The following DENND4C variants were observed in gnomAD, a reference collection of about 807,000 sequenced individuals.
The protein encoded by DENND4C is DENN domain-containing protein 4C.
Under a neutral mutation model 203.0 loss-of-function variants are expected in DENND4C, and 108 were observed. The ratio of observed to expected loss-of-function variants is 0.53; its 90% CI spans 0.46 to 0.62. DENND4C has a LOEUF of 0.62. Among genes scored for constraint, DENND4C ranks in the 20% least tolerant of loss-of-function variants. DENND4C has a pLI of 0.00. For synonymous variants in DENND4C, 871 were observed against 792.4 expected, an observed-to-expected ratio of 1.10 and a Z score of -1.67; for missense variants, 2,481 against 2,301.2, an observed-to-expected ratio of 1.08 and a Z score of -1.60.
At chr9:19,329,639 G>T (rs930464987) in intron 16 of DENND4C, among the ~76,000 whole-genome samples, 1 of 152,158 alleles carries the variant, frequency 6.6e-6, no homozygotes, top group Middle Eastern at 3.2e-3. Flanking sequence ...TTTCCAAAGT[G>T]GCTGCTCCAC....
intron 1 of DENND4C, among the ~76,000 whole-genome samples, chr9:19,257,411 C>T (rs1477682426): frequency 2.7e-5 from 4 of 149,130 alleles, no homozygotes; most frequent in African/African-American, 7.4e-5. Flanking sequence ...ACCACTAAAA[C>T]ATTGCTTAGG....
Position 19,325,950 on chromosome 9 carries a change from T to C in DENND4C, c.1965T>C (p.Asp655=), listed in dbSNP as rs973540537. The change falls in exon 14 of 33, where the codon GAT becomes GAC. Residue 655 remains aspartate, a synonymous_variant. Coordinates refer to ENST00000434457, the MANE Select transcript of DENND4C (RefSeq NM_001330640.2). ...TTCTTTTTTTCTAGTTGTTTCCTGATAAAGGCACAGAGAAAACAGATAAGG... is the reference window on the plus strand; with the variant it reads ...TTCTTTTTTTCTAGTTGTTTCCTGACAAAGGCACAGAGAAAACAGATAAGG... ...FDDCIEKLFP[D]KGTEKTDKVD... is the part of the protein sequence containing the mutation. The C allele has an allele frequency of 6.2e-7, 1 of 1,608,312 alleles. No individual in the cohort carries two copies. Among genetic ancestry groups the C allele is most frequent in the Non-Finnish European group, 8.5e-7 (1 of 1,177,624 alleles).
intron 4 of DENND4C, 119 bp downstream of exon 4, chr9:19,288,784 A>G: frequency 2.1e-6 from 1 of 480,832 alleles, no homozygotes; most frequent in Middle Eastern, 5.8e-4. Flanking sequence ...TATTCATAAA[A>G]TTATCTATAA....
chr9:19,258,370 C>T (rs1325007391), intron 1 of DENND4C, among the ~76,000 whole-genome samples: 1 of 152,152 alleles, frequency 6.6e-6, no homozygotes, highest in Non-Finnish European at 1.5e-5. Context: ...TTAGCATTAT[C>T]TTGATACCAG....
chr9:19,334,560 C>G (rs1213512405), intron 17 of DENND4C, among the ~76,000 whole-genome samples: 1 of 140,516 alleles, frequency 7.1e-6, no homozygotes, highest in Non-Finnish European at 1.5e-5. Flanking sequence ...GAGTCTCACT[C>G]TGTTGCCCAG....
chr9:19,306,503 C>G (rs975155105), intron 10 of DENND4C, among the ~76,000 whole-genome samples: 3 of 152,004 alleles, frequency 2.0e-5, no homozygotes, highest in Non-Finnish European at 4.4e-5. Context: ...TTGTAGCACA[C>G]ATTTTATTGT....
In DENND4C at chr9:19,245,898, ACTTC is replaced by A. The variant is rs544544081; in HGVS notation, c.-18+15069_-18+15072del. ...TTGTAAGCATCTAACTCTGACCTCC[ACTTC>A]CTTTTCTACTAACTCACATACTCCA... On this transcript the variant is annotated intron_variant, in intron 1 of 32. Coordinates refer to ENST00000434457, the MANE Select transcript of DENND4C (RefSeq NM_001330640.2). Among the ~76,000 whole-genome samples, 17 of 151,256 alleles carry A rather than the reference ACTTC, an allele frequency of 1.1e-4. No individual in the cohort carries two copies. The East Asian group carries it at 3.3e-3, about 29-fold the overall frequency.
At chr9:19,282,572 A>T (rs992830015) in intron 2 of DENND4C, among the ~76,000 whole-genome samples, 9 of 147,380 alleles carry the variant, frequency 6.1e-5, no homozygotes, top group Non-Finnish European at 1.3e-4. Flanking sequence ...AAAAAAAAAA[A>T]AAATAATGGG....
intron 1 of DENND4C, among the ~76,000 whole-genome samples, chr9:19,239,382 T>C (rs1029116675): frequency 3.9e-5 from 6 of 152,144 alleles, no homozygotes; most frequent in Non-Finnish European, 7.4e-5. Context: ...AATTTCTAAA[T>C]ACTGGAGAAT....
chr9:19,275,430 C>A (rs1464449765), intron 1 of DENND4C, among the ~76,000 whole-genome samples: 1 of 151,024 alleles, frequency 6.6e-6, no homozygotes, highest in Non-Finnish European at 1.5e-5. Context: ...GTAGCTGGGA[C>A]TGACAGGCGC....
chr9:19,307,265 C>T (rs982309805), intron 10 of DENND4C, among the ~76,000 whole-genome samples: 2 of 151,258 alleles, frequency 1.3e-5, no homozygotes, highest in South Asian at 2.1e-4. Flanking sequence ...AGTGGTGGTG[C>T]GTGCCTGTAG....
At chr9:19,248,101 C>T (rs1825715506) in intron 1 of DENND4C, among the ~76,000 whole-genome samples, 2 of 152,064 alleles carry the variant, frequency 1.3e-5, no homozygotes, top group Admixed American at 6.6e-5. Flanking sequence ...TAAATGGTAA[C>T]ATGTCACTCT....
intron 2 of DENND4C, among the ~76,000 whole-genome samples, chr9:19,282,559 T>TAAGAA (rs1834279649): frequency 7.3e-6 from 1 of 137,194 alleles, no homozygotes; most frequent in Non-Finnish European, 1.5e-5. Context: ...TGGCAAAAAT[T>TAAGAA]AAAAAAAAAA....
intron 1 of DENND4C, among the ~76,000 whole-genome samples, chr9:19,257,967 A>G (rs1828394998): frequency 6.6e-6 from 1 of 152,032 alleles, no homozygotes; most frequent in Non-Finnish European, 1.5e-5. Flanking sequence ...CAGAAAAATA[A>G]ATTAACTGGA....
chr9:19,230,670 T>G (rs1303182371), upstream of DENND4C: 2 of 151,990 alleles, frequency 1.3e-5, no homozygotes, highest in Non-Finnish European at 2.9e-5. Context: ...TCGGAGACCC[T>G]GCCCGCGAGG....
At chr9:19,244,282 T>C (rs1416643454) in intron 1 of DENND4C, among the ~76,000 whole-genome samples, 1 of 152,106 alleles carries the variant, frequency 6.6e-6, no homozygotes, top group Non-Finnish European at 1.5e-5. Flanking sequence ...CCACCCACCT[T>C]GGCCTCCCAA....
In DENND4C at chr9:19,346,124, GC is replaced by G; in HGVS notation, c.3356del (p.Ala1119ValfsTer3). ...SSLDSNSSEM[A>X]IMMGADAKIL... ...TTTGGATTCGAATTCAAGTGAAATGGCTATCATGATGGGAGCAGATGCCAAG... is the reference window on the plus strand; with the variant it reads ...TTTGGATTCGAATTCAAGTGAAATGGTATCATGATGGGAGCAGATGCCAAG... On this transcript the variant is annotated frameshift_variant, in exon 23 of 33. Transcript: ENST00000434457. LOFTEE classifies it high-confidence loss of function. 1.2e-6 allele frequency: 2 copies of G among 1,614,206 alleles called. No individual in the cohort carries two copies. Among genetic ancestry groups the G allele is most frequent in the Non-Finnish European group, 1.7e-6 (2 of 1,180,032 alleles).
At chr9:19,295,280 C>T (rs914029618) in intron 5 of DENND4C, among the ~76,000 whole-genome samples, 3 of 151,860 alleles carry the variant, frequency 2.0e-5, no homozygotes, top group South Asian at 2.1e-4. Context: ...CCGAGGTGGG[C>T]GGATCATGAG....
At position 19,311,210 on chromosome 9, in the gene DENND4C, A is replaced by AATTCTTGTG. The variant is rs1840673853; in HGVS notation, c.1488-5207_1488-5206insATTCTTGTG. ...CCAATCTTGGCTCACTGCAACCTCCACCTCCTGGGTTCAAGCAATTCTTGT... is the reference window on the plus strand; with the variant it reads ...CCAATCTTGGCTCACTGCAACCTCCAATTCTTGTGCCTCCTGGGTTCAAGCAATTCTTGT... On this transcript the variant is annotated intron_variant, in intron 10 of 32. Coordinates refer to ENST00000434457, the MANE Select transcript of DENND4C (RefSeq NM_001330640.2). 2.6e-5 allele frequency among the ~76,000 whole-genome samples: 4 copies of AATTCTTGTG among 151,988 alleles called. No homozygotes were observed. The South Asian group carries it at 8.3e-4, about 32-fold the overall frequency.
Sources: allele counts gnomAD v4.1 joint callset (sites outside exome capture counted in the v4.1 genomes callset), GRCh38; gene constraint gnomAD v4.1.1; transcripts MANE v1.5; gene names NCBI Gene and HGNC (gene_info 2026-07-23, HGNC 2026-07-21).